EFTUD2: variants seen among roughly 807,000 people sequenced by gnomAD.
EFTUD2 encodes elongation factor Tu GTP binding domain containing 2.
EFTUD2 carries 9 observed loss-of-function variants against 114.3 expected under a neutral mutation model. The ratio of observed to expected loss-of-function variants is 0.08; its 90% CI spans 0.05 to 0.14. EFTUD2 has a LOEUF of 0.14. EFTUD2 is among the 10% of genes least tolerant of loss of function. The pLI, the probability that EFTUD2 is intolerant of heterozygous loss-of-function variation, is 1.00. For synonymous variants in EFTUD2, 449 were observed against 462.3 expected (o/e 0.97, Z 0.37); for missense variants, 765 against 1,241.2 (o/e 0.62, Z 5.76).
chr17:44,876,202 A>G (rs1378314887), intron 9 of EFTUD2, 102 bp from the exon 10 acceptor site: 5 of 1,347,908 alleles, frequency 3.7e-6, no homozygotes, highest in Non-Finnish European at 5.0e-6. Context: ...AAGCCTGGGG[A>G]GAAAAAAAGA....
At chr17:44,892,927 T>G (rs2051308595) in intron 2 of EFTUD2, among the ~76,000 whole-genome samples, 1 of 151,972 alleles carries the variant, frequency 6.6e-6, no homozygotes, top group South Asian at 2.1e-4. Context: ...CACACCTGAC[T>G]GTAAACCTTA....
chr17:44,888,702 T>C (rs918952685), intron 2 of EFTUD2, among the ~76,000 whole-genome samples: 2 of 152,002 alleles, frequency 1.3e-5, no homozygotes, highest in African/African-American at 4.8e-5. Flanking sequence ...AGCAGTAAGG[T>C]TTTTGATCTG....
At chr17:44,894,138 G>A (rs2051333598) in intron 2 of EFTUD2, 5 of 324,228 alleles carry the variant, frequency 1.5e-5, no homozygotes, top group South Asian at 1.2e-4. Flanking sequence ...CAGTTTGGGA[G>A]GCCAAGGCAG....
intron 18 of EFTUD2, chr17:44,859,640 C>A: frequency 3.6e-6 from 2 of 555,872 alleles, no homozygotes; most frequent in South Asian, 2.3e-5. Flanking sequence ...AACACAAATA[C>A]GCACACACAC....
At chr17:44,882,842 A>G (rs79791229) in intron 6 of EFTUD2, among the ~76,000 whole-genome samples, 96 of 152,338 alleles carry the variant, frequency 6.3e-4, no homozygotes, top group African/African-American at 2.3e-3. Context: ...AAGTCAGGAT[A>G]TATCATAACA....
intron 9 of EFTUD2, among the ~76,000 whole-genome samples, chr17:44,877,617 C>T (rs1191234882): frequency 1.3e-5 from 2 of 152,042 alleles, no homozygotes; most frequent in Admixed American, 6.6e-5. Context: ...ACCAGCCTGA[C>T]CGACATGGTG....
At chr17:44,851,684 T>C in intron 27 of EFTUD2, 26 bp downstream of exon 27, 1 of 1,550,494 alleles carries the variant, frequency 6.4e-7, no homozygotes, top group East Asian at 2.3e-5. Context: ...GGTTGAGGGA[T>C]GGCAACAGGC....
chr17:44,868,390 G>A (rs747416149), intron 11 of EFTUD2, 40 bp from the exon 12 acceptor site: 1 of 1,602,780 alleles, frequency 6.2e-7, no homozygotes, highest in East Asian at 2.2e-5. Context: ...ACCTAGCAAA[G>A]TGTCGTTCAA....
intron 1 of EFTUD2, among the ~76,000 whole-genome samples, chr17:44,898,788 C>T (rs2051450757): frequency 2.0e-5 from 3 of 152,190 alleles, no homozygotes; most frequent in South Asian, 2.1e-4. Flanking sequence ...TGACTTGTAT[C>T]TAGTTGTTTA....
intron 27 of EFTUD2, 74 bp from the exon 28 acceptor site, chr17:44,851,443 T>C (rs1025438682): frequency 7.9e-7 from 1 of 1,271,610 alleles, no homozygotes. Flanking sequence ...CCAAGACCTG[T>C]GTTCAGTGGG....
At chr17:44,855,659 A>G (rs2050537200) in intron 20 of EFTUD2, among the ~76,000 whole-genome samples, 1 of 152,162 alleles carries the variant, frequency 6.6e-6, no homozygotes, top group Non-Finnish European at 1.5e-5. Context: ...ATCTCTATAA[A>G]AAATTAGCCA....
rs371614000 is a variant in EFTUD2, at chr17:44,854,598, C to T, written c.2217G>A (p.Ala739=). The change falls in exon 22 of 28, where the codon GCG becomes GCA. Residue 739 remains alanine, a synonymous_variant. Coordinates refer to ENST00000426333, the MANE Select transcript of EFTUD2 (RefSeq NM_004247.4). The surrounding 1 kb of genome is among the most constrained non-coding windows in gnomAD (Gnocchi z 4.3). The part of the protein sequence containing the change: ...ARSIWAFGPD[A]TGPNILVDDT... Reference sequence around the variant, plus strand: ...CATCCACCAGAATGTTGGGGCCAGTCGCATCAGGGCCAAAAGCCCAGATGG... The same window carrying T: ...CATCCACCAGAATGTTGGGGCCAGTTGCATCAGGGCCAAAAGCCCAGATGG... 1.7e-5 allele frequency: 27 copies of T among 1,614,098 alleles called. No individual in the cohort carries two copies. Among genetic ancestry groups the T allele is most frequent in the East Asian group, 1.6e-4 (7 of 44,892 alleles).
intron 1 of EFTUD2, 54 bp from the exon 2 acceptor site, chr17:44,894,579 T>A: frequency 7.4e-7 from 1 of 1,353,552 alleles, no homozygotes; most frequent in Non-Finnish European, 1.1e-6. Context: ...AAGGCCTTCA[T>A]GTGGTGGCTC....
chr17:44,859,768 T>C, intron 18 of EFTUD2, 137 bp downstream of exon 18: 3 of 1,393,792 alleles, frequency 2.2e-6, no homozygotes, highest in African/African-American at 1.4e-5. Context: ...ATGACAGCCA[T>C]AGGCTGGGCT....
intron 9 of EFTUD2, among the ~76,000 whole-genome samples, chr17:44,877,789 G>A (rs927460574): frequency 2.0e-5 from 3 of 151,292 alleles, no homozygotes; most frequent in Non-Finnish European, 4.4e-5. Context: ...CTGGGCGGAA[G>A]AGCAAGACTC....
intron 4 of EFTUD2, chr17:44,883,957 A>C (rs1390115042): frequency 3.8e-6 from 2 of 521,254 alleles, no homozygotes; most frequent in Non-Finnish European, 6.9e-6. Context: ...TTCAATAGTA[A>C]AACAGCAAGA....
At chr17:44,895,201 A>G (rs1193219360) in intron 1 of EFTUD2, among the ~76,000 whole-genome samples, 1 of 152,284 alleles carries the variant, frequency 6.6e-6, no homozygotes, top group Non-Finnish European at 1.5e-5. Flanking sequence ...CTATTAAAAA[A>G]GTTTCATTGG....
At chr17:44,864,845 C>T (rs2050716995) in intron 14 of EFTUD2, 85 bp downstream of exon 14, 1 of 1,551,418 alleles carries the variant, frequency 6.4e-7, no homozygotes. Flanking sequence ...TTCTGACCTC[C>T]ATCGCTGGGT....
chr17:44,897,340 CTTCTT>C (rs999750788), intron 1 of EFTUD2, among the ~76,000 whole-genome samples: 3 of 152,078 alleles, frequency 2.0e-5, no homozygotes, highest in African/African-American at 7.2e-5. Context: ...CTTCTCTTCA[CTTCTT>C]TTATGATACT....
Sources: allele counts gnomAD v4.1 joint callset (sites outside exome capture counted in the v4.1 genomes callset), GRCh38; gene constraint gnomAD v4.1.1; non-coding constraint Gnocchi (gnomAD v3.1); transcripts MANE v1.5; gene names NCBI Gene and HGNC (gene_info 2026-07-23, HGNC 2026-07-21).